TSPAN13: variants seen among roughly 807,000 people sequenced by gnomAD.
TSPAN13 encodes the protein tetraspanin-13.
Under a neutral mutation model 26.9 loss-of-function variants are expected in TSPAN13, and 18 were observed. The observed-to-expected ratio is 0.67, with a 90% CI of 0.46 to 0.99. TSPAN13 has a LOEUF of 0.99. Among genes scored for constraint, TSPAN13 ranks in the 50% least tolerant of loss-of-function variants. TSPAN13 has a pLI of 0.00. For missense variants in TSPAN13, 201 were observed against 249.6 expected (o/e 0.81, Z 1.31); for synonymous variants, 116 against 98.4 (o/e 1.18, Z -1.06).
intron 1 of TSPAN13, among the ~76,000 whole-genome samples, chr7:16,763,872 G>A (rs532763397): frequency 4.6e-5 from 7 of 152,152 alleles, no homozygotes; most frequent in South Asian, 2.1e-4. Context: ...ATTCTGGGCA[G>A]CAACTTCCCC....
chr7:16,754,077 G>A lies in TSPAN13; in HGVS notation c.63+47G>A, dbSNP rs1215279388. 4 of 1,586,550 alleles carry A rather than the reference G, an allele frequency of 2.5e-6. No individual in the cohort carries two copies. The African/African-American group carries it at 5.4e-5, about 21-fold the overall frequency. On this transcript the variant is annotated intron_variant, in intron 1 of 5. Transcript: ENST00000262067. ...CTGCTCGCTTGGGGGCTTTGCACCT[G>A]CTTGGGAGCTCTTTGGCTTCCCTGC...
chr7:16,781,813 C>T (rs564566972), intron 5 of TSPAN13, among the ~76,000 whole-genome samples: 1 of 152,196 alleles, frequency 6.6e-6, no homozygotes, highest in Non-Finnish European at 1.5e-5. Context: ...GATATTTGGG[C>T]AGGTTGAGGT....
At chr7:16,767,026 C>G (rs1784611954) in intron 1 of TSPAN13, among the ~76,000 whole-genome samples, 1 of 152,082 alleles carries the variant, frequency 6.6e-6, no homozygotes, top group Admixed American at 6.6e-5. Flanking sequence ...CACTGCAGCC[C>G]AGGACTCCTG....
intron 3 of TSPAN13, 141 bp from the exon 4 acceptor site, chr7:16,777,655 CTG>C: frequency 2.0e-6 from 1 of 506,540 alleles, no homozygotes; most frequent in South Asian, 5.7e-5. Context: ...TTGCTGCAAA[CTG>C]AGGAATAAGC....
At chr7:16,776,927 T>C in intron 2 of TSPAN13, 115 bp from the exon 3 acceptor site, 1 of 594,836 alleles carries the variant, frequency 1.7e-6, no homozygotes, top group Non-Finnish European at 2.9e-6. Flanking sequence ...GTGCCATCTG[T>C]TCTGTATTCT....
intron 1 of TSPAN13, among the ~76,000 whole-genome samples, chr7:16,754,780 GCT>G (rs1035663359): frequency 6.6e-6 from 1 of 152,056 alleles, no homozygotes; most frequent in Admixed American, 6.5e-5. Context: ...AACGCTGCAG[GCT>G]CTCTTTGTGA....
intron 1 of TSPAN13, among the ~76,000 whole-genome samples, chr7:16,768,467 A>C (rs753331579): frequency 2.0e-5 from 3 of 152,198 alleles, no homozygotes; most frequent in African/African-American, 7.2e-5. Context: ...CCATCTGGAA[A>C]ATGGAAGCAA....
rs1784839341 is a variant in TSPAN13, at chr7:16,783,646, ACAT to A, written c.*156_*158del. On this transcript the variant is annotated 3_prime_UTR_variant, in exon 6 of 6. Transcript: ENST00000262067. ...ATATATTTTTACTCTATGTTTCTCT[ACAT>A]GTTTTTTTCTTTCCGTTGCTGAAAA... 2.7e-5 allele frequency: 19 copies of A among 711,676 alleles called. No homozygotes were observed. The East Asian group carries it at 4.2e-4, about 16-fold the overall frequency. The allele number at this position is 711,676 out of a possible 1,614,324, so 44.1% of individuals were successfully genotyped here.
chr7:16,765,380 A>G (rs1010891290), intron 1 of TSPAN13, among the ~76,000 whole-genome samples: 1 of 152,226 alleles, frequency 6.6e-6, no homozygotes, highest in African/African-American at 2.4e-5. Context: ...CTAGGATTAC[A>G]GGCATGAGCC....
intron 1 of TSPAN13, among the ~76,000 whole-genome samples, chr7:16,754,858 C>G (rs1652283081): frequency 6.6e-6 from 1 of 152,168 alleles, no homozygotes; most frequent in African/African-American, 2.4e-5. Context: ...TATTGAATGC[C>G]TATCACGTCC....
At chr7:16,754,469 C>G (rs1784459327) in intron 1 of TSPAN13, among the ~76,000 whole-genome samples, 1 of 152,162 alleles carries the variant, frequency 6.6e-6, no homozygotes, top group Non-Finnish European at 1.5e-5. Flanking sequence ...CTGAAACTGA[C>G]GAGGCGGCAT....
rs527503176 is a variant in TSPAN13 at position 16,779,475 on chromosome 7, A to G, written c.540+359A>G. Among the ~76,000 whole-genome samples the G allele has an allele frequency of 7.9e-5, 12 of 152,256 alleles. No homozygotes were observed. The South Asian group carries it at 1.7e-3, about 21-fold the overall frequency. The stretch of plus-strand genomic sequence containing the variant: ...TTGTTTAATATGTATGTTAATGTCT[A>G]TAATACACAGACATACATATATAAA... On this transcript the variant is annotated intron_variant, in intron 5 of 5. Coordinates refer to ENST00000262067, the MANE Select transcript of TSPAN13 (RefSeq NM_014399.4).
At chr7:16,781,460 A>T (rs1379600872) in intron 5 of TSPAN13, among the ~76,000 whole-genome samples, 1 of 152,206 alleles carries the variant, frequency 6.6e-6, no homozygotes, top group Non-Finnish European at 1.5e-5. Flanking sequence ...CCTCTTAATC[A>T]TGAGCACTTT....
At chr7:16,755,541 G>GTTTT (rs34234997) in intron 1 of TSPAN13, among the ~76,000 whole-genome samples, 71 of 139,370 alleles carry the variant, frequency 5.1e-4, no homozygotes, top group African/African-American at 1.6e-3. Context: ...GTTCTCTAGG[G>GTTTT]TTTTTTTTTT....
intron 1 of TSPAN13, among the ~76,000 whole-genome samples, chr7:16,774,109 A>G (rs1262343721): frequency 1.3e-5 from 2 of 152,172 alleles, no homozygotes; most frequent in Admixed American, 6.5e-5. Context: ...GACCTTAAGA[A>G]CAAAGATTAA....
chr7:16,754,582 T>A (rs1784461456), intron 1 of TSPAN13, among the ~76,000 whole-genome samples: 1 of 152,250 alleles, frequency 6.6e-6, no homozygotes, highest in African/African-American at 2.4e-5. Context: ...GTTTGTTTCG[T>A]GCTCACAGTA....
chr7:16,775,924 G>A (rs574674057), intron 1 of TSPAN13: 4 of 288,066 alleles, frequency 1.4e-5, no homozygotes, highest in Non-Finnish European at 2.6e-5. Context: ...CATGCATTTA[G>A]GCTCTTAGTA....
intron 1 of TSPAN13, among the ~76,000 whole-genome samples, chr7:16,768,330 G>C (rs1186330712): frequency 6.6e-6 from 1 of 152,160 alleles, no homozygotes; most frequent in Non-Finnish European, 1.5e-5. Context: ...TAACAGGTTG[G>C]ATGGTACGGC....
chr7:16,755,352 T>C (rs550401717), intron 1 of TSPAN13, among the ~76,000 whole-genome samples: 2 of 152,276 alleles, frequency 1.3e-5, no homozygotes, highest in African/African-American at 4.8e-5. Flanking sequence ...TACGCTTTTA[T>C]GGCTAGTTAG....
Sources: gnomAD v4.1 joint callset for allele counts (sites outside exome capture counted in the v4.1 genomes callset) on GRCh38, gnomAD v4.1.1 for gene constraint, MANE v1.5 for transcripts, NCBI Gene and HGNC (gene_info 2026-07-23, HGNC 2026-07-21) for gene names.